Variants in GFM1 observed in about 807,000 individuals in gnomAD.
GFM1 encodes the protein elongation factor G, mitochondrial.
A neutral mutation model predicts 96.2 loss-of-function variants in GFM1; 62 were observed. That is an observed-to-expected ratio of 0.64 (90% CI 0.53 to 0.80). The LOEUF (loss-of-function observed/expected upper bound fraction) is 0.80, where lower values mean the gene tolerates loss of function less well. Ranked by LOEUF, GFM1 falls within the 30% of genes least tolerant of loss-of-function variation. The probability of loss-of-function intolerance (pLI) is 0.00; values close to 1 mark genes in which losing one functional copy is unlikely to be tolerated. For synonymous variants in GFM1, 282 were observed against 312.9 expected (o/e 0.90, Z 1.04); for missense variants, 852 against 916.6 (o/e 0.93, Z 0.91).
At chr3:158,651,391 C>T (rs918739538) in intron 5 of GFM1, among the ~76,000 whole-genome samples, 44 of 152,198 alleles carry the variant, frequency 2.9e-4, no homozygotes, top group Non-Finnish European at 6.3e-4. Flanking sequence ...GGCTTTGAAT[C>T]TTACCTCTTC....
intron 13 of GFM1, chr3:158,667,215 A>G (rs1334530030): frequency 4.3e-6 from 4 of 941,058 alleles, no homozygotes; most frequent in African/African-American, 3.5e-5. Flanking sequence ...CATAATTTCA[A>G]TTTAATGTGA....
At position 158,646,566 on chromosome 3, in the gene GFM1, G is replaced by A. The variant is rs143692807; in HGVS notation, c.368-177G>A. On this transcript the variant is annotated intron_variant, in intron 3 of 17. Coordinates refer to ENST00000486715, the MANE Select transcript of GFM1 (RefSeq NM_024996.7). ...GGTGCCTGTGCCCTAGTATTTTCTT[G>A]AAGTGATCTTGCCAGGCCCTGCACC... 5.1e-3 allele frequency among the ~76,000 whole-genome samples: 784 copies of A among 152,286 alleles called. 7 individuals are homozygous for A. Among genetic ancestry groups the A allele is most frequent in the African/African-American group, 0.018 (758 of 41,558 alleles).
In GFM1 at chr3:158,666,368, C is replaced by T. The variant is rs863224035; in HGVS notation, c.1583C>T (p.Thr528Ile). 2.5e-6 allele frequency: 4 copies of T among 1,613,236 alleles called. No individual in the cohort carries two copies. Among genetic ancestry groups the T allele is most frequent in the Non-Finnish European group, 2.5e-6 (3 of 1,179,298 alleles). Residue 528 changes from threonine (T) to isoleucine (I), a missense_variant, in exon 13 of 18, where the codon ACC becomes ATC. By Grantham distance (89) the Thr-to-Ile change is moderately conservative. Transcript: ENST00000486715. ...TGKPKVAFRE[T>I]ITAPVPFDFT... is the part of the protein sequence containing the mutation. The stretch of plus-strand genomic sequence containing the variant: ...AAGCCAAAAGTTGCCTTTCGAGAGA[C>T]CATTACTGCCCCTGTCCCGTAAGTA...
At chr3:158,666,001 C>A (rs964197050) in intron 12 of GFM1, among the ~76,000 whole-genome samples, 1 of 152,126 alleles carries the variant, frequency 6.6e-6, no homozygotes, top group East Asian at 1.9e-4. Flanking sequence ...ATCCTGACAA[C>A]AGATTTATAT....
At position 158,652,245 on chromosome 3, in the gene GFM1, A is replaced by C; in HGVS notation, c.839A>C (p.Lys280Thr). Residue 280 changes from lysine (K) to threonine (T), a missense_variant and splice_region_variant, in exon 6 of 18, where the codon AAG (lysine) becomes ACG (threonine). Coordinates refer to ENST00000486715, the MANE Select transcript of GFM1 (RefSeq NM_024996.7). ...AAAATCCCCTCGATTTCTGATTTAA[A>C]GGCAAGTGCTTTCAAAATAAGTCTT... ...EEKIPSISDL[K>T]LAIRRATLKR... The C allele has an allele frequency of 6.2e-7, 1 of 1,614,034 alleles. No individual in the cohort carries two copies. Among genetic ancestry groups the C allele is most frequent in the Non-Finnish European group, 8.5e-7 (1 of 1,179,866 alleles).
In GFM1 at chr3:158,687,109, T is replaced by G. The variant is rs192625014; in HGVS notation, c.1909+2441T>G. Among the ~76,000 whole-genome samples the G allele has an allele frequency of 3.2e-3, 493 of 152,174 alleles. 1 individual carries two copies. The highest frequency in any genetic ancestry group is 0.01 in the Middle Eastern group (3 of 294). ...CCTCGAATTCCTGGGCTCAAAGTGA[T>G]TCTCCATCTCAGCCTCCTGAGTAGC... On this transcript the variant is annotated intron_variant, in intron 15 of 17. Coordinates refer to ENST00000486715, the MANE Select transcript of GFM1 (RefSeq NM_024996.7).
chr3:158,672,725 C>T (rs1724478287), intron 13 of GFM1: 1 of 404,458 alleles, frequency 2.5e-6, no homozygotes, highest in Non-Finnish European at 4.6e-6. Flanking sequence ...CTGCAGCGGG[C>T]TTCCTTACTC....
intron 9 of GFM1, 102 bp from the exon 10 acceptor site, chr3:158,660,772 C>T: frequency 1.0e-6 from 1 of 969,334 alleles, no homozygotes; most frequent in Non-Finnish European, 1.7e-6. Context: ...TTCTGCCACG[C>T]TTTTTTATAT....
intron 13 of GFM1, among the ~76,000 whole-genome samples, chr3:158,667,702 C>T (rs550342426): frequency 3.3e-5 from 5 of 152,142 alleles, no homozygotes; most frequent in East Asian, 3.9e-4. Flanking sequence ...GTGGGAGGAC[C>T]GCCTGAGCCT....
At chr3:158,666,277 AAAT>A in intron 12 of GFM1, 24 bp from the exon 13 acceptor site, 1 of 1,544,044 alleles carries the variant, frequency 6.5e-7, no homozygotes, top group Non-Finnish European at 8.9e-7. Flanking sequence ...TTTTAAATTT[AAAT>A]AATATTTTCC....
At chr3:158,663,359 T>C (rs1723341793) in intron 11 of GFM1, among the ~76,000 whole-genome samples, 1 of 152,238 alleles carries the variant, frequency 6.6e-6, no homozygotes, top group Non-Finnish European at 1.5e-5. Flanking sequence ...GTTAATGTGG[T>C]ATATTGAAAT....
rs1294380651 is a variant in GFM1 at position 158,692,460 on chromosome 3, A to G, written c.*993A>G. The G allele has an allele frequency of 1.3e-5, 2 of 152,236 alleles. No homozygotes were observed. The highest frequency in any genetic ancestry group is 6.5e-5 in the Admixed American group (1 of 15,286). 9.4% of individuals were successfully genotyped at this position (152,236 alleles called of 1,614,324 possible). ...TTCCAGAAAAAGTTGGGCTTTCCCAAGCAGTTCTATTACCCGGTTCAGAAT... is the reference window on the plus strand; with the variant it reads ...TTCCAGAAAAAGTTGGGCTTTCCCAGGCAGTTCTATTACCCGGTTCAGAAT... On this transcript the variant is annotated 3_prime_UTR_variant, in exon 18 of 18. Transcript: ENST00000486715.
chr3:158,662,720 T>G (rs1292241815), intron 11 of GFM1, 36 bp downstream of exon 11: 1 of 1,283,350 alleles, frequency 7.8e-7, no homozygotes. Flanking sequence ...ATATCACAAT[T>G]AAAACTTGAG....
Position 158,665,448 on chromosome 3 carries a change from GA to G in GFM1, c.1494del (p.Glu498AspfsTer55). The G allele has an allele frequency of 6.2e-7, 1 of 1,610,534 alleles. No individual in the cohort carries two copies. Among genetic ancestry groups the G allele is most frequent in the Non-Finnish European group, 8.5e-7 (1 of 1,177,230 alleles). ...NKETVISGMG[E>X]LHLEIYAQRL... ...AGAGACAGTTATATCTGGAATGGGA[GA>G]ATTACACCTGGAAATCTATGCTCAG... is the stretch of plus-strand genomic sequence containing the variant. On this transcript the variant is annotated frameshift_variant, in exon 12 of 18. Coordinates refer to ENST00000486715, the MANE Select transcript of GFM1 (RefSeq NM_024996.7). LOFTEE classifies it high-confidence loss of function.
rs150000838 is a variant in GFM1 at position 158,690,334 on chromosome 3, T to C, written c.2070+11T>C. ...ACACTGTATGCAGATGTAAGTAGTC[T>C]TGGTCATTGGCAGTCCTGCTTTTAT... On this transcript the variant is annotated intron_variant, in intron 16 of 17. Coordinates refer to ENST00000486715, the MANE Select transcript of GFM1 (RefSeq NM_024996.7). The C allele has an allele frequency of 1.2e-6, 2 of 1,612,204 alleles. No individual in the cohort carries two copies. Among genetic ancestry groups the C allele is most frequent in the Non-Finnish European group, 1.7e-6 (2 of 1,178,374 alleles).
intron 15 of GFM1, 134 bp downstream of exon 15, chr3:158,684,802 A>G: frequency 1.2e-6 from 1 of 837,338 alleles, no homozygotes; most frequent in East Asian, 2.5e-5. Context: ...TAGTGGGCAA[A>G]TCTTTATGGA....
Position 158,653,015 on chromosome 3 carries a change from A to G in GFM1, c.841-295A>G, listed in dbSNP as rs975703251. Among the ~76,000 whole-genome samples, 7 of 151,992 alleles carry G rather than the reference A, an allele frequency of 4.6e-5. No homozygotes were observed. In the South Asian group the frequency reaches 6.2e-4, roughly 14 times the overall value. ...TTTGCAGTGTTCTATTAGTGTGTCT[A>G]TTTTCTATGTGTATATGTATTTTTT... is the stretch of plus-strand genomic sequence containing the variant. On this transcript the variant is annotated intron_variant, in intron 6 of 17. Transcript: ENST00000486715.
chr3:158,688,697 G>A (rs1726067262), intron 15 of GFM1, among the ~76,000 whole-genome samples: 1 of 152,142 alleles, frequency 6.6e-6, no homozygotes, highest in Non-Finnish European at 1.5e-5. Context: ...AATTGTTAGT[G>A]TGATTTAGAT....
In GFM1 at chr3:158,653,314, C is replaced by T; in HGVS notation, c.845C>T (p.Ala282Val). ...KIPSISDLKL[A>V]IRRATLKRSF... ...TTAAATTGTTTTCTTTTGTAGCTAGCAATTCGAAGAGCTACTCTGAAAAGA... is the reference window on the plus strand; with the variant it reads ...TTAAATTGTTTTCTTTTGTAGCTAGTAATTCGAAGAGCTACTCTGAAAAGA... Residue 282 changes from alanine to valine, a missense_variant, in exon 7 of 18, where the codon GCA becomes GTA. By Grantham distance (64) the Ala-to-Val change is moderately conservative. Transcript: ENST00000486715. 1 of 1,612,202 alleles carries T rather than the reference C, an allele frequency of 6.2e-7. No individual in the cohort carries two copies. Among genetic ancestry groups the T allele is most frequent in the Non-Finnish European group, 8.5e-7 (1 of 1,178,780 alleles).
Sources: gnomAD v4.1 joint callset for allele counts (sites outside exome capture counted in the v4.1 genomes callset) on GRCh38, gnomAD v4.1.1 for gene constraint, MANE v1.5 for transcripts, NCBI Gene and HGNC (gene_info 2026-07-23, HGNC 2026-07-21) for gene names.